TEX261: variants seen among roughly 807,000 people sequenced by gnomAD.
TEX261 encodes the protein protein TEX261.
In TEX261, 13 loss-of-function variants were observed where a neutral mutation model predicts 25.1. The observed-to-expected ratio is 0.52, with a 90% CI of 0.34 to 0.82. The LOEUF (loss-of-function observed/expected upper bound fraction) is 0.82. Among genes scored for constraint, TEX261 ranks in the 40% least tolerant of loss-of-function variants. The pLI is 0.02. For synonymous variants in TEX261, 92 were observed against 97.8 expected (o/e 0.94, Z 0.35); for missense variants, 206 against 243.2 (o/e 0.85, Z 1.02).
chr2:70,992,812 T>A (rs1286154920), intron 2 of TEX261, among the ~76,000 whole-genome samples: 2 of 152,158 alleles, frequency 1.3e-5, no homozygotes, highest in African/African-American at 4.8e-5. Flanking sequence ...AGCTCAAATT[T>A]CAATTCTATT....
At position 70,988,187 on chromosome 2, in the gene TEX261, A is replaced by G. The variant is rs983352825; in HGVS notation, c.*413T>C. The G allele has an allele frequency of 5.4e-6, 1 of 184,220 alleles. No homozygotes were observed. The highest frequency in any genetic ancestry group is 1.1e-5 in the Non-Finnish European group (1 of 87,132). 11.4% of individuals were successfully genotyped at this position (184,220 alleles called of 1,614,324 possible). ...GGACAGAAATCACCGTTCAACAGCA[A>G]AAACTATTTCTGTTGGACATGCCAA... On this transcript the variant is annotated 3_prime_UTR_variant, in exon 6 of 6. Transcript: ENST00000272438.
intron 1 of TEX261, chr2:70,994,448 G>A (rs1207795566): frequency 7.0e-6 from 4 of 573,392 alleles, no homozygotes; most frequent in African/African-American, 6.1e-5. Flanking sequence ...CGGCACTCGA[G>A]TCACCCTTTC....
At chr2:70,989,418 G>A (rs1252542408) in intron 4 of TEX261, 1 of 412,746 alleles carries the variant, frequency 2.4e-6, no homozygotes, top group African/African-American at 2.0e-5. Context: ...GGGAAAAGCT[G>A]GGGCTCAGGG....
chr2:70,988,639 G>T lies in TEX261; in HGVS notation c.552C>A (p.Ile184=). 1 of 1,614,196 alleles carries T rather than the reference G, an allele frequency of 6.2e-7. No individual in the cohort carries two copies. The highest frequency in any genetic ancestry group is 8.5e-7 in the Non-Finnish European group (1 of 1,180,024). Residue 184 remains isoleucine (I), a synonymous_variant, in exon 6 of 6, where the codon ATC becomes ATA. Transcript: ENST00000272438. ...GACGACTGGGTAGAATGGCCTCTTTGATGAAGGAGAAGACAACCAGGATCC... is the reference window on the plus strand; with the variant it reads ...GACGACTGGGTAGAATGGCCTCTTTTATGAAGGAGAAGACAACCAGGATCC... The part of the protein sequence containing the change: ...RLGILVVFSF[I]KEAILPSRQK...
Position 70,993,698 on chromosome 2 carries a change from A to G in TEX261, c.148T>C (p.Trp50Arg). The G allele has an allele frequency of 1.2e-6, 2 of 1,612,988 alleles. No homozygotes were observed. The highest frequency in any genetic ancestry group is 1.7e-6 in the Non-Finnish European group (2 of 1,179,060). Residue 50 changes from tryptophan to arginine, a missense_variant and splice_region_variant, in exon 2 of 6, where the codon TGG becomes CGG. By Grantham distance (101) the Trp-to-Arg change is moderately radical. Coordinates refer to ENST00000272438, the MANE Select transcript of TEX261 (RefSeq NM_144582.3). ...ATSRIIKYMI[W>R]FSTAVLIGLY... ...TCCTGGAGAAAGATGCCACTTACCC[A>G]GATCATGTATTTTATGATCCTGCTG...
At position 70,987,625 on chromosome 2, in the gene TEX261, G is replaced by A. The variant is rs28364738; in HGVS notation, c.*975C>T. On this transcript the variant is annotated 3_prime_UTR_variant, in exon 6 of 6. Transcript: ENST00000272438. ...CCCCAGGAGCCAAGAGTGCACAGAC[G>A]GGCCAGGGCTTGGATGCTCTTAGAG... 27,816 of 152,514 alleles carry A rather than the reference G, an allele frequency of 0.18. 2,698 individuals carry two copies. The highest frequency in any genetic ancestry group is 0.21 in the Middle Eastern group (63 of 294). The allele number at this position is 152,514 out of a possible 1,614,324, so 9.4% of individuals were successfully genotyped here. A position where few individuals can be genotyped will look rare whatever the true frequency, so the allele number is the denominator to read the frequency against.
rs1353657050 is a variant in TEX261, at chr2:70,986,856, A to G, written c.*1744T>C. The G allele has an allele frequency of 3.9e-5, 6 of 152,260 alleles. No individual in the cohort carries two copies. Among genetic ancestry groups the G allele is most frequent in the Non-Finnish European group, 7.3e-5 (5 of 68,074 alleles). The allele number at this position is 152,260 out of a possible 1,614,324, so 9.4% of individuals were successfully genotyped here. A position where few individuals can be genotyped will look rare whatever the true frequency, so the allele number is the denominator to read the frequency against. ...CTAGGGAGCCCACAGCAGAACCCTGAAAGACCCTACTGTGCATGGGCAAGT... is the reference window on the plus strand; with the variant it reads ...CTAGGGAGCCCACAGCAGAACCCTGGAAGACCCTACTGTGCATGGGCAAGT... On this transcript the variant is annotated 3_prime_UTR_variant, in exon 6 of 6. Coordinates refer to ENST00000272438, the MANE Select transcript of TEX261 (RefSeq NM_144582.3).
intron 3 of TEX261, 99 bp downstream of exon 3, chr2:70,991,731 A>G: frequency 6.9e-7 from 1 of 1,447,188 alleles, no homozygotes; most frequent in South Asian, 1.3e-5. Context: ...GGAGGACTTC[A>G]ACAGCTGGCT....
chr2:70,993,548 G>A (rs1168784395), intron 2 of TEX261, 148 bp downstream of exon 2: 2 of 713,602 alleles, frequency 2.8e-6, no homozygotes, highest in Non-Finnish European at 4.9e-6. Context: ...AGACCCAAAA[G>A]ACAGCGTTCA....
intron 5 of TEX261, 24 bp from the exon 6 acceptor site, chr2:70,988,739 TGAGA>T (rs781878635): frequency 5.4e-5 from 85 of 1,563,760 alleles, no homozygotes; most frequent in Admixed American, 8.4e-5. Flanking sequence ...GGCAAGAATA[TGAGA>T]GAGAGAGAGA....
In TEX261 at chr2:70,991,817, T is replaced by C. The variant is rs782777891; in HGVS notation, c.304+13A>G. 1 of 1,611,960 alleles carries C rather than the reference T, an allele frequency of 6.2e-7. No homozygotes were observed. Among genetic ancestry groups the C allele is most frequent in the Non-Finnish European group, 8.5e-7 (1 of 1,179,068 alleles). ...ACCACATCAGCTGCCTCCCCAACTC[T>C]GTCCCCTCTCACCACACGACAGGAT... On this transcript the variant is annotated intron_variant, in intron 3 of 5. Coordinates refer to ENST00000272438, the MANE Select transcript of TEX261 (RefSeq NM_144582.3).
Position 70,993,773 on chromosome 2 carries a change from C to A in TEX261, c.73G>T (p.Ala25Ser). ...QVAFITLAVA[A>S]GLYYLAELIE... ...AGTTCTGCCAGGTAATAGAGTCCAG[C>A]CGCTGCAGGGTGGGAGGCAGGGAGA... Residue 25 changes from alanine to serine, a missense_variant and splice_region_variant, in exon 2 of 6, where the codon GCT becomes TCT. Physicochemically the swap from Ala to Ser is moderately conservative, Grantham distance 99. Coordinates refer to ENST00000272438, the MANE Select transcript of TEX261 (RefSeq NM_144582.3). 2 of 1,612,516 alleles carry A rather than the reference C, an allele frequency of 1.2e-6. No homozygotes were observed. The highest frequency in any genetic ancestry group is 1.7e-6 in the Non-Finnish European group (2 of 1,179,886).
intron 2 of TEX261, 44 bp from the exon 3 acceptor site, chr2:70,992,027 C>A (rs782102935): frequency 2.6e-6 from 4 of 1,530,396 alleles, no homozygotes; most frequent in South Asian, 2.6e-5. Context: ...TTCTTCCAGG[C>A]AACGTTCCTG....
rs782148514 is a variant in TEX261, at chr2:70,989,698, C to T, written c.372+51G>A. 1.1e-5 allele frequency: 14 copies of T among 1,270,234 alleles called. No homozygotes were observed. In the Admixed American group the frequency reaches 2.4e-4, roughly 22 times the overall value. The allele number at this position is 1,270,234 out of a possible 1,614,324, so 78.7% of individuals were successfully genotyped here. ...TTATAAAGTAAACCATGCAAGTTCC[C>T]TTTTACTACCCTGTCCCTGTTAACA... On this transcript the variant is annotated intron_variant, in intron 4 of 5. Coordinates refer to ENST00000272438, the MANE Select transcript of TEX261 (RefSeq NM_144582.3).
At position 70,992,080 on chromosome 2, in the gene TEX261, T is replaced by C. The variant is rs1265909554; in HGVS notation, c.151-97A>G. The C allele has an allele frequency of 6.6e-6, 8 of 1,207,514 alleles. No homozygotes were observed. The East Asian group carries it at 1.5e-4, about 22-fold the overall frequency. 74.8% of individuals were successfully genotyped at this position (1,207,514 alleles called of 1,614,324 possible). The stretch of plus-strand genomic sequence containing the variant: ...CCCGCTCTGGGCAGCACTAGGTTCA[T>C]GCTTCAATCTCCTCATTTCACAGGT... On this transcript the variant is annotated intron_variant, in intron 2 of 5. Transcript: ENST00000272438.
chr2:70,994,069 T>C (rs1418643665), intron 1 of TEX261, among the ~76,000 whole-genome samples: 1 of 152,246 alleles, frequency 6.6e-6, no homozygotes, highest in Admixed American at 6.5e-5. Flanking sequence ...GCTGGGCACT[T>C]GGCATGAGCC....
intron 3 of TEX261, among the ~76,000 whole-genome samples, chr2:70,990,438 A>G (rs1553425504): frequency 6.6e-6 from 1 of 152,220 alleles, no homozygotes; most frequent in Non-Finnish European, 1.5e-5. Context: ...GGACACACAC[A>G]CACACACAGC....
rs1670296561 is a variant in TEX261, at chr2:70,991,430, T to G, written c.304+400A>C. 2.6e-5 allele frequency among the ~76,000 whole-genome samples: 4 copies of G among 152,330 alleles called. No individual in the cohort carries two copies. The South Asian group carries it at 8.3e-4, about 32-fold the overall frequency. On this transcript the variant is annotated intron_variant, in intron 3 of 5. Coordinates refer to ENST00000272438, the MANE Select transcript of TEX261 (RefSeq NM_144582.3). ...TCACAGCCCCATGAGGCTCCAGTCCTAACAATGACTTTGGGTCAGAGGACT... is the reference window on the plus strand; with the variant it reads ...TCACAGCCCCATGAGGCTCCAGTCCGAACAATGACTTTGGGTCAGAGGACT...
At chr2:70,994,634 C>A in intron 1 of TEX261, 54 bp downstream of exon 1, 1 of 1,558,478 alleles carries the variant, frequency 6.4e-7, no homozygotes, top group Non-Finnish European at 8.7e-7. Flanking sequence ...CGACCCCCAA[C>A]GAGCACCGAT....
Sources: gnomAD v4.1 joint callset for allele counts (sites outside exome capture counted in the v4.1 genomes callset) on GRCh38, gnomAD v4.1.1 for gene constraint, MANE v1.5 for transcripts, NCBI Gene and HGNC (gene_info 2026-07-23, HGNC 2026-07-21) for gene names.